Variants in PAM observed in about 807,000 individuals in gnomAD.
PAM encodes the protein peptidyl-glycine alpha-amidating monooxygenase.
PAM carries 72 observed loss-of-function variants against 122.1 expected under a neutral mutation model. The observed-to-expected ratio is 0.59, with a 90% CI of 0.49 to 0.72. PAM has a LOEUF of 0.72. PAM is among the 30% of genes least tolerant of loss of function. The pLI is 0.00. For synonymous variants in PAM, 389 were observed against 404.4 expected (o/e 0.96, Z 0.46); for missense variants, 1,106 against 1,183.7 (o/e 0.93, Z 0.96).
At chr5:102,868,079 AG>A (rs1375167307) in intron 3 of PAM, among the ~76,000 whole-genome samples, 1 of 152,164 alleles carries the variant, frequency 6.6e-6, no homozygotes, top group African/African-American at 2.4e-5. Flanking sequence ...TGTTTCATTA[AG>A]CATAAAAAGG....
chr5:102,957,058 C>T (rs557973461), intron 12 of PAM, among the ~76,000 whole-genome samples: 1 of 152,122 alleles, frequency 6.6e-6, no homozygotes, highest in Non-Finnish European at 1.5e-5. Context: ...AATGGATGGA[C>T]AGATGGACAG....
intron 7 of PAM, among the ~76,000 whole-genome samples, chr5:102,927,253 C>T (rs545259627): frequency 2.6e-5 from 4 of 152,224 alleles, no homozygotes; most frequent in Non-Finnish European, 4.4e-5. Context: ...TTTAAATGCC[C>T]CTTTCCTTAC....
intron 5 of PAM, 72 bp from the exon 6 acceptor site, chr5:102,924,885 T>C: frequency 1.2e-6 from 1 of 826,234 alleles, no homozygotes; most frequent in South Asian, 1.4e-5. Flanking sequence ...CCCCATCACC[T>C]CCCACCATGG....
intron 3 of PAM, among the ~76,000 whole-genome samples, chr5:102,898,162 A>C (rs1201303926): frequency 6.6e-6 from 1 of 151,614 alleles, no homozygotes; most frequent in Non-Finnish European, 1.5e-5. Flanking sequence ...AGGCATCAGC[A>C]ATATCATATC....
At chr5:102,950,144 G>A (rs1460016858) in intron 11 of PAM, among the ~76,000 whole-genome samples, 166 bp downstream of exon 11, 2 of 152,012 alleles carry the variant, frequency 1.3e-5, no homozygotes, top group South Asian at 4.1e-4. Flanking sequence ...CCAATTTGTT[G>A]CTTTCTTTGT....
rs145424130 is a variant in PAM, at chr5:102,765,821, G to A, written c.-374+10473G>A. On this transcript the variant is annotated intron_variant, in intron 1 of 25. Transcript: ENST00000438793. Reference sequence around the variant, plus strand: ...TTCCTCTTTGTGTGTCTGTCTCTGTGTCCAAGTTTCCCCTTTTTATAAGGA... The same window carrying A: ...TTCCTCTTTGTGTGTCTGTCTCTGTATCCAAGTTTCCCCTTTTTATAAGGA... 9.2e-3 allele frequency among the ~76,000 whole-genome samples: 1,393 copies of A among 152,114 alleles called. 29 individuals carry two copies. Among genetic ancestry groups the A allele is most frequent in the African/African-American group, 0.032 (1,336 of 41,478 alleles).
chr5:102,931,265 G>A (rs1440249287), intron 7 of PAM, among the ~76,000 whole-genome samples: 4 of 152,178 alleles, frequency 2.6e-5, no homozygotes, highest in African/African-American at 7.2e-5. Flanking sequence ...AGTGTGTCAC[G>A]TTGCCAGTAG....
intron 1 of PAM, among the ~76,000 whole-genome samples, chr5:102,762,202 T>G (rs530241581): frequency 6.6e-6 from 1 of 152,332 alleles, no homozygotes; most frequent in African/African-American, 2.4e-5. Context: ...GTGCTTTCAT[T>G]TTTCCTTTCT....
intron 7 of PAM, among the ~76,000 whole-genome samples, chr5:102,946,444 T>TA (rs958671709): frequency 1.3e-5 from 2 of 151,648 alleles, no homozygotes; most frequent in Admixed American, 6.6e-5. Context: ...TCTTAGAAAA[T>TA]AAAAAAGTCT....
At chr5:102,941,393 G>T (rs186207330) in intron 7 of PAM, among the ~76,000 whole-genome samples, 3 of 152,322 alleles carry the variant, frequency 2.0e-5, no homozygotes, top group East Asian at 1.9e-4. Context: ...AGCTTCAAAA[G>T]GAATTGTTTT....
At chr5:102,955,465 A>T (rs1027028471) in intron 12 of PAM, among the ~76,000 whole-genome samples, 3 of 152,082 alleles carry the variant, frequency 2.0e-5, no homozygotes, top group Admixed American at 6.6e-5. Context: ...AGTTGTAAAC[A>T]TTTATTAAGC....
chr5:103,029,702 G>A lies in PAM; in HGVS notation c.*637G>A, dbSNP rs1332728239. 1.5e-5 allele frequency: 2 copies of A among 136,312 alleles called. No homozygotes were observed. Among genetic ancestry groups the A allele is most frequent in the Middle Eastern group, 3.5e-3 (1 of 284 alleles). 8.4% of individuals were successfully genotyped at this position (136,312 alleles called of 1,614,324 possible). On this transcript the variant is annotated 3_prime_UTR_variant, in exon 26 of 26. Transcript: ENST00000438793. ...CTGAATGTAATTTGTGTAATAAAGT[G>A]TTTTCAGAGCATTAGCTGTCAGTGT...
At chr5:102,841,160 T>G (rs1454909428) in intron 1 of PAM, among the ~76,000 whole-genome samples, 1 of 152,172 alleles carries the variant, frequency 6.6e-6, no homozygotes, top group African/African-American at 2.4e-5. Context: ...GTAAGTTTCA[T>G]TAAAATTCAG....
chr5:102,806,656 C>T (rs1561496032), intron 1 of PAM, among the ~76,000 whole-genome samples: 1 of 152,126 alleles, frequency 6.6e-6, no homozygotes, highest in Admixed American at 6.6e-5. Context: ...GCTTCTCAAA[C>T]TCAGGATCTC....
rs368815332 is a variant in PAM, at chr5:102,971,050, G to A, written c.1163-3066G>A. 1.7e-4 allele frequency among the ~76,000 whole-genome samples: 26 copies of A among 152,248 alleles called. No individual in the cohort carries two copies. The South Asian group carries it at 3.5e-3, about 21-fold the overall frequency. On this transcript the variant is annotated intron_variant, in intron 14 of 25. Transcript: ENST00000438793. ...TCAAACTCCTGACCTCAAGTAATCC[G>A]CCCGCCTTGGCTTCCCAGTGCTGGG...
At chr5:102,893,339 G>A (rs911394639) in intron 3 of PAM, among the ~76,000 whole-genome samples, 2 of 151,702 alleles carry the variant, frequency 1.3e-5, no homozygotes, top group African/African-American at 4.8e-5. Flanking sequence ...CCTATGTCAT[G>A]CTTTCTCCCT....
chr5:102,776,153 G>A (rs1187015485), intron 1 of PAM, among the ~76,000 whole-genome samples: 12 of 152,024 alleles, frequency 7.9e-5, no homozygotes, highest in Admixed American at 7.9e-4. Flanking sequence ...AGAAGTGTCT[G>A]TTCAAGTCTT....
intron 1 of PAM, among the ~76,000 whole-genome samples, chr5:102,803,142 AAAGAAAGGAAGG>A (rs1331735353): frequency 1.1e-4 from 15 of 142,122 alleles, no homozygotes; most frequent in East Asian, 2.1e-4. Flanking sequence ...AGAAAGAAAG[AAAGAAAGGAAGG>A]AAGGAAGGAA....
At chr5:102,918,075 G>C (rs1166858996) in intron 5 of PAM, among the ~76,000 whole-genome samples, 1 of 152,096 alleles carries the variant, frequency 6.6e-6, no homozygotes, top group Admixed American at 6.6e-5. Flanking sequence ...TATAGTTAGA[G>C]TGGGCCTAGT....
Sources: allele counts gnomAD v4.1 joint callset (sites outside exome capture counted in the v4.1 genomes callset), GRCh38; gene constraint gnomAD v4.1.1; transcripts MANE v1.5; gene names NCBI Gene and HGNC (gene_info 2026-07-23, HGNC 2026-07-21).